The following CADPS2 variants were observed in gnomAD, a reference collection of about 807,000 sequenced individuals.
The protein encoded by CADPS2 is calcium dependent secretion activator 2.
A neutral mutation model predicts 172.5 loss-of-function variants in CADPS2; 93 were observed. The ratio of observed to expected loss-of-function variants is 0.54; its 90% CI spans 0.46 to 0.64. The LOEUF (loss-of-function observed/expected upper bound fraction) is 0.64, where lower values mean the gene tolerates loss of function less well. CADPS2 is among the 30% of genes least tolerant of loss of function. CADPS2 has a pLI of 0.00. For synonymous variants in CADPS2, 546 were observed against 555.2 expected, an observed-to-expected ratio of 0.98 and a Z score of 0.23; for missense variants, 1,420 against 1,565.9, an observed-to-expected ratio of 0.91 and a Z score of 1.57.
intron 28 of CADPS2, chr7:122,339,008 T>C (rs2036350411): frequency 6.6e-6 from 1 of 151,684 alleles, no homozygotes; most frequent in South Asian, 2.1e-4. Flanking sequence ...TAAGTGATCA[T>C]TCTCACGTTG....
At chr7:122,574,482 C>T (rs1368646528) in intron 7 of CADPS2, among the ~76,000 whole-genome samples, 1 of 98,940 alleles carries the variant, frequency 1.0e-5, no homozygotes, top group South Asian at 3.9e-4. Context: ...TATTTCTCAA[C>T]TAAGAAGTGT....
In CADPS2 at chr7:122,679,266, G is replaced by GC. The variant is rs1554715341; in HGVS notation, c.454-15698_454-15697insG. ...AGCCCTGGGAAAAGAATGCATTCCT[G>GC]GGGGGGGGGGGCTCTAAAATGGCCA... On this transcript the variant is annotated intron_variant, in intron 2 of 29. Transcript: ENST00000449022. Among the ~76,000 whole-genome samples, 2 of 24,402 alleles carry GC rather than the reference G, an allele frequency of 8.2e-5. 1 individual carries two copies. Among genetic ancestry groups the GC allele is most frequent in the Non-Finnish European group, 2.4e-4 (2 of 8,416 alleles). The allele number at this position is 24,402 out of a possible 152,430, so 16.0% of individuals were successfully genotyped here.
At chr7:122,812,422 AG>A (rs1800233894) in intron 1 of CADPS2, among the ~76,000 whole-genome samples, 2 of 143,548 alleles carry the variant, frequency 1.4e-5, no homozygotes, top group African/African-American at 2.8e-5. Context: ...AAAAAAAAAA[AG>A]AGAGAGAGAG....
intron 1 of CADPS2, among the ~76,000 whole-genome samples, chr7:122,777,715 T>G (rs1353877407): frequency 6.6e-6 from 1 of 152,022 alleles, no homozygotes; most frequent in Non-Finnish European, 1.5e-5. Context: ...GCACTTCTCC[T>G]TGCAGCCACC....
chr7:122,803,241 C>T (rs1010120621), intron 1 of CADPS2, among the ~76,000 whole-genome samples: 2 of 152,152 alleles, frequency 1.3e-5, no homozygotes, highest in African/African-American at 4.8e-5. Flanking sequence ...TAATCCCTGT[C>T]CTGCTGCTTT....
intron 7 of CADPS2, among the ~76,000 whole-genome samples, chr7:122,576,472 C>T (rs1191704545): frequency 6.6e-6 from 1 of 152,158 alleles, no homozygotes; most frequent in Admixed American, 6.6e-5. Context: ...TATGTTGGCA[C>T]CCTTTTGATG....
chr7:122,351,008 A>G (rs2038473743), intron 27 of CADPS2, among the ~76,000 whole-genome samples: 1 of 151,928 alleles, frequency 6.6e-6, no homozygotes, highest in Non-Finnish European at 1.5e-5. Context: ...TAAACAACGA[A>G]CAAGTCACAA....
intron 16 of CADPS2, 41 bp from the exon 17 acceptor site, chr7:122,438,505 G>A (rs761813200): frequency 6.2e-7 from 1 of 1,603,530 alleles, no homozygotes; most frequent in East Asian, 2.2e-5. Flanking sequence ...GCAGGGTTGG[G>A]GATAGACAGA....
intron 1 of CADPS2, among the ~76,000 whole-genome samples, chr7:122,780,366 T>C (rs1343613502): frequency 1.3e-5 from 2 of 152,148 alleles, no homozygotes; most frequent in African/African-American, 2.4e-5. Flanking sequence ...CTCATAATTC[T>C]AGAGATATAA....
intron 2 of CADPS2, among the ~76,000 whole-genome samples, chr7:122,669,257 A>G (rs2081508333): frequency 6.6e-6 from 1 of 151,962 alleles, no homozygotes. Context: ...CTCAATCCCA[A>G]AAGCTGGAGG....
chr7:122,513,698 G>A (rs2060157765), intron 8 of CADPS2, among the ~76,000 whole-genome samples: 1 of 152,172 alleles, frequency 6.6e-6, no homozygotes, highest in South Asian at 2.1e-4. Flanking sequence ...GCTGAGTAGT[G>A]CGCCCTGAGG....
intron 1 of CADPS2, among the ~76,000 whole-genome samples, chr7:122,753,727 A>C (rs1445296976): frequency 6.6e-6 from 1 of 152,140 alleles, no homozygotes; most frequent in Non-Finnish European, 1.5e-5. Context: ...GCCAAAAATT[A>C]GATGACAAAT....
At chr7:122,462,454 A>G (rs2054572309) in intron 14 of CADPS2, among the ~76,000 whole-genome samples, 2 of 152,186 alleles carry the variant, frequency 1.3e-5, no homozygotes, top group Non-Finnish European at 2.9e-5. Flanking sequence ...CCAAAAAAGA[A>G]AGCTTAAAAT....
intron 3 of CADPS2, among the ~76,000 whole-genome samples, chr7:122,652,891 T>G (rs1334839024): frequency 1.3e-5 from 2 of 152,318 alleles, no homozygotes; most frequent in East Asian, 3.9e-4. Context: ...GTATGTGCTA[T>G]CTTCTATCTT....
intron 1 of CADPS2, among the ~76,000 whole-genome samples, chr7:122,815,715 A>G (rs1283850213): frequency 6.6e-6 from 1 of 152,190 alleles, no homozygotes; most frequent in African/African-American, 2.4e-5. Context: ...ATAAAGCCAC[A>G]TCCATTATTA....
intron 25 of CADPS2, among the ~76,000 whole-genome samples, chr7:122,375,715 T>C (rs2042260054): frequency 1.3e-5 from 2 of 152,080 alleles, no homozygotes; most frequent in African/African-American, 4.8e-5. Context: ...AATGACTTCT[T>C]GGCTATGATA....
At chr7:122,645,502 G>GTATATATATATACTATATATATATAAGTA (rs1227617647) in intron 3 of CADPS2, among the ~76,000 whole-genome samples, 5 of 101,770 alleles carry the variant, frequency 4.9e-5, no homozygotes, top group African/African-American at 2.1e-4. Flanking sequence ...ATATATATAA[G>GTATATATATATACTATATATATATAAGTA]TATATATATA....
At chr7:122,816,677 C>T (rs916762324) in intron 1 of CADPS2, among the ~76,000 whole-genome samples, 1 of 152,194 alleles carries the variant, frequency 6.6e-6, no homozygotes, top group African/African-American at 2.4e-5. Flanking sequence ...CCCCTTTCTC[C>T]ATGTCTTCGG....
chr7:122,324,630 T>C (rs569743752), intron 29 of CADPS2, among the ~76,000 whole-genome samples: 1 of 152,152 alleles, frequency 6.6e-6, no homozygotes, highest in South Asian at 2.1e-4. Context: ...ACATTATGTG[T>C]GTGGGTACAT....
Sources: gnomAD v4.1 joint callset for allele counts (sites outside exome capture counted in the v4.1 genomes callset) on GRCh38, gnomAD v4.1.1 for gene constraint, MANE v1.5 for transcripts, NCBI Gene and HGNC (gene_info 2026-07-23, HGNC 2026-07-21) for gene names.